ABCA5: variants seen among roughly 807,000 people sequenced by gnomAD.
ABCA5 encodes ATP binding cassette subfamily A member 5.
In ABCA5, 163 loss-of-function variants were observed where a neutral mutation model predicts 206.0. The ratio of observed to expected loss-of-function variants is 0.79; its 90% CI spans 0.70 to 0.90. ABCA5 has a LOEUF of 0.90. Among genes scored for constraint, ABCA5 ranks in the 40% least tolerant of loss-of-function variants. The probability of loss-of-function intolerance (pLI) is 0.00; values close to 1 mark genes in which losing one functional copy is unlikely to be tolerated. For missense variants in ABCA5, 1,859 were observed against 1,912.9 expected (o/e 0.97, Z 0.53); for synonymous variants, 609 against 613.8 (o/e 0.99, Z 0.11).
intron 21 of ABCA5, 69 bp from the exon 22 acceptor site, chr17:69,270,819 C>T: frequency 7.4e-7 from 1 of 1,352,332 alleles, no homozygotes; most frequent in Non-Finnish European, 9.8e-7. Flanking sequence ...ATGTACCAAG[C>T]TTTTCTCACC....
intron 19 of ABCA5, among the ~76,000 whole-genome samples, chr17:69,274,613 C>T (rs934587169): frequency 6.6e-6 from 1 of 151,240 alleles, no homozygotes; most frequent in Admixed American, 6.6e-5. Context: ...AATAAGAAAT[C>T]GTATTCCCCA....
rs1598182330 is a variant in ABCA5, at chr17:69,290,140, G to A, written c.1607-103C>T. 9.4e-6 allele frequency: 7 copies of A among 745,182 alleles called. No individual in the cohort carries two copies. In the East Asian group the frequency reaches 2.1e-4, roughly 23 times the overall value. The allele number at this position is 745,182 out of a possible 1,614,324, so 46.2% of individuals were successfully genotyped here. A position where few individuals can be genotyped will look rare whatever the true frequency, so the allele number is the denominator to read the frequency against. On this transcript the variant is annotated intron_variant, in intron 12 of 38. Transcript: ENST00000392676. ...TTATTTGGTTATAACAGACATATAA[G>A]GTAAAAATTAATATAAATTTACAAG...
rs1012629056 is a variant in ABCA5, at chr17:69,244,838, GTAC to G, written c.*2696_*2698del. 5.3e-5 allele frequency: 8 copies of G among 150,682 alleles called. No individual in the cohort carries two copies. Among genetic ancestry groups the G allele is most frequent in the African/African-American group, 1.9e-4 (8 of 41,320 alleles). The allele number at this position is 150,682 out of a possible 1,614,324, so 9.3% of individuals were successfully genotyped here. On this transcript the variant is annotated 3_prime_UTR_variant, in exon 39 of 39. Coordinates refer to ENST00000392676, the MANE Select transcript of ABCA5 (RefSeq NM_172232.4). ...ATTGTGCTCCTATAAAACGTTGTTA[GTAC>G]TACTAGCAAAGGATTTGTCATATTA...
chr17:69,307,268 T>G lies in ABCA5; in HGVS notation c.559-314A>C, dbSNP rs981781791. ...TCTTAAGCAGACAATTATATGTATCTTAGTAAAAATATACATCTTCAAAAT... is the reference window on the plus strand; with the variant it reads ...TCTTAAGCAGACAATTATATGTATCGTAGTAAAAATATACATCTTCAAAAT... On this transcript the variant is annotated intron_variant, in intron 5 of 38. Coordinates refer to ENST00000392676, the MANE Select transcript of ABCA5 (RefSeq NM_172232.4). 3.2e-4 allele frequency among the ~76,000 whole-genome samples: 49 copies of G among 152,062 alleles called. 1 individual carries two copies. Among genetic ancestry groups the G allele is most frequent in the Non-Finnish European group, 1.8e-4 (12 of 67,910 alleles).
At chr17:69,317,077 A>G (rs1293470526) in intron 1 of ABCA5, 2 of 152,204 alleles carry the variant, frequency 1.3e-5, no homozygotes, top group African/African-American at 2.4e-5. Context: ...TGTGGCATAT[A>G]CATACAATTA....
intron 35 of ABCA5, chr17:69,251,540 G>T (rs1212530813): frequency 1.6e-5 from 9 of 580,376 alleles, no homozygotes; most frequent in African/African-American, 1.5e-4. Flanking sequence ...CCAAGTTATT[G>T]AAATATTAAG....
At position 69,264,864 on chromosome 17, in the gene ABCA5, T is replaced by C. The variant is rs1181965961; in HGVS notation, c.3186A>G (p.Pro1062=). 4 of 1,569,682 alleles carry C rather than the reference T, an allele frequency of 2.5e-6. No individual in the cohort carries two copies. The highest frequency in any genetic ancestry group is 3.4e-6 in the Non-Finnish European group (4 of 1,160,968). ...YTQLKLSGLL[P]SAYWIGQAVV... Reference sequence around the variant, plus strand: ...CAGCTTGTCCAATCCAATATGCAGATGGCAAAAGACCTGAAAGTTTAAGTT... The same window carrying C: ...CAGCTTGTCCAATCCAATATGCAGACGGCAAAAGACCTGAAAGTTTAAGTT... Residue 1062 remains proline (P), a synonymous_variant, in exon 24 of 39, where the codon CCA becomes CCG. Transcript: ENST00000392676.
At chr17:69,269,037 T>C (rs1283620381) in intron 22 of ABCA5, among the ~76,000 whole-genome samples, 1 of 152,124 alleles carries the variant, frequency 6.6e-6, no homozygotes, top group African/African-American at 2.4e-5. Context: ...CAGAATCTAA[T>C]GAAGAAACAA....
intron 27 of ABCA5, 82 bp downstream of exon 27, chr17:69,260,255 TA>T: frequency 9.5e-7 from 1 of 1,057,806 alleles, no homozygotes. Flanking sequence ...TGCAACAGGA[TA>T]AAAAACTAAA....
intron 19 of ABCA5, among the ~76,000 whole-genome samples, chr17:69,276,419 T>C (rs773245933): frequency 1.3e-5 from 2 of 152,120 alleles, no homozygotes; most frequent in Non-Finnish European, 2.9e-5. Flanking sequence ...GTGTATTTTA[T>C]GAGAGTGGTG....
At position 69,296,204 on chromosome 17, in the gene ABCA5, TA is replaced by T. The variant is rs1164002754; in HGVS notation, c.1436+986del. On this transcript the variant is annotated intron_variant, in intron 10 of 38. Transcript: ENST00000392676. ...TTCTTATTCTACCTTATTTTTTTCA[TA>T]TTTTTTTAAGGAAATGATTTGTTAA... Among the ~76,000 whole-genome samples the T allele has an allele frequency of 2.0e-5, 3 of 152,324 alleles. No homozygotes were observed. The South Asian group carries it at 6.2e-4, about 32-fold the overall frequency.
intron 20 of ABCA5, among the ~76,000 whole-genome samples, chr17:69,271,726 G>A (rs1376643189): frequency 6.6e-6 from 1 of 151,980 alleles, no homozygotes; most frequent in Non-Finnish European, 1.5e-5. Context: ...CATGAAATTT[G>A]GTTAAATAAT....
Position 69,295,651 on chromosome 17 carries a change from G to A in ABCA5, c.1437-938C>T, listed in dbSNP as rs117182066. 6.1e-3 allele frequency among the ~76,000 whole-genome samples: 926 copies of A among 152,212 alleles called. 10 individuals carry two copies. The highest frequency in any genetic ancestry group is 0.01 in the Non-Finnish European group (698 of 67,988). The stretch of plus-strand genomic sequence containing the variant: ...CTCAACTGGGCATTGGCATAATGTA[G>A]GTCTGTCAATATTGTGTACATTAAG... On this transcript the variant is annotated intron_variant, in intron 10 of 38. Transcript: ENST00000392676.
At position 69,255,583 on chromosome 17, in the gene ABCA5, A is replaced by C. The variant is rs570718516; in HGVS notation, c.4028T>G (p.Ile1343Ser). The C allele has an allele frequency of 1.8e-5, 29 of 1,583,108 alleles. No homozygotes were observed. The South Asian group carries it at 3.2e-4, about 18-fold the overall frequency. ...GPNGAGKSTI[I>S]NILVGDIEPT... Reference sequence around the variant, plus strand: ...TTCAATATCACCAACCAGAATATTAATAATTGTGCTTTTGCCAGCACCATT... The same window carrying C: ...TTCAATATCACCAACCAGAATATTACTAATTGTGCTTTTGCCAGCACCATT... The change falls in exon 31 of 39, where the codon ATT (isoleucine) becomes AGT (serine). Residue 1343 changes from isoleucine to serine, a missense_variant. Physicochemically the swap from Ile to Ser is moderately radical, Grantham distance 142. Coordinates refer to ENST00000392676, the MANE Select transcript of ABCA5 (RefSeq NM_172232.4).
At chr17:69,304,936 G>T in intron 6 of ABCA5, 126 bp from the exon 7 acceptor site, 1 of 799,234 alleles carries the variant, frequency 1.3e-6, no homozygotes, top group Non-Finnish European at 1.8e-6. Flanking sequence ...GTTCATTTCT[G>T]TGTATGCTTA....
At chr17:69,289,347 A>G (rs1449814552) in intron 13 of ABCA5, 51 bp from the exon 14 acceptor site, 2 of 1,310,356 alleles carry the variant, frequency 1.5e-6, no homozygotes, top group Non-Finnish European at 2.0e-6. Flanking sequence ...TACCATTTAT[A>G]TAATTATCAA....
intron 19 of ABCA5, among the ~76,000 whole-genome samples, chr17:69,275,739 T>C (rs1298986386): frequency 2.0e-5 from 3 of 152,138 alleles, no homozygotes; most frequent in African/African-American, 4.8e-5. Flanking sequence ...CTCCCCAAAT[T>C]TGTATGTTGA....
Position 69,263,697 on chromosome 17 carries a change from C to CTTTTTTTTTT in ABCA5, c.3315+1028_3315+1037dup, listed in dbSNP as rs58369537. 2.8e-3 allele frequency among the ~76,000 whole-genome samples: 293 copies of CTTTTTTTTTT among 103,652 alleles called. 31 individuals carry two copies. Among genetic ancestry groups the CTTTTTTTTTT allele is most frequent in the African/African-American group, 0.01 (235 of 22,686 alleles). The allele number at this position is 103,652 out of a possible 152,430, so 68.0% of individuals were successfully genotyped here. ...GGCTTTGTTCTTTTTACATGGATTC[C>CTTTTTTTTTT]TTTTTTTTTTTTTTTTTGATAAAAA... On this transcript the variant is annotated intron_variant, in intron 24 of 38. Transcript: ENST00000392676.
At chr17:69,321,688 C>T (rs1288605704) in intron 1 of ABCA5, among the ~76,000 whole-genome samples, 1 of 151,964 alleles carries the variant, frequency 6.6e-6, no homozygotes, top group African/African-American at 2.4e-5. Flanking sequence ...CAATGAAATA[C>T]TTTAAAACAC....
Sources: gnomAD v4.1 joint callset for allele counts (sites outside exome capture counted in the v4.1 genomes callset) on GRCh38, gnomAD v4.1.1 for gene constraint, MANE v1.5 for transcripts, NCBI Gene and HGNC (gene_info 2026-07-23, HGNC 2026-07-21) for gene names.